SLC67A1: variants seen among roughly 807,000 people sequenced by gnomAD.
SLC67A1 encodes solute carrier family 67 member A1.
the SLC67A1 span, chr11:2,919,121 C>A: frequency 2.8e-6 from 1 of 357,038 alleles, no homozygotes; most frequent in Non-Finnish European, 5.1e-6. Context: ...ACTTTCCACA[C>A]CAGGGATACG....
chr11:2,909,625 G>A, the SLC67A1 span: 59 of 1,532,452 alleles, frequency 3.9e-5, no homozygotes, highest in Non-Finnish European at 5.1e-5. Flanking sequence ...GGAGCGGCCC[G>A]CGGCCCTGGG....
the SLC67A1 span, among the ~76,000 whole-genome samples, chr11:2,910,157 G>A: frequency 3.9e-5 from 6 of 152,278 alleles, no homozygotes; most frequent in Middle Eastern, 3.4e-3. Flanking sequence ...TTGAGTCCCC[G>A]AACGTTCTCC....
the SLC67A1 span, chr11:2,909,458 C>T: frequency 7.7e-6 from 11 of 1,437,780 alleles, no homozygotes; most frequent in Non-Finnish European, 9.1e-6. Context: ...CGGGGTCTGG[C>T]CCTAAGGGCT....
At chr11:2,905,888 C>T in the SLC67A1 span, among the ~76,000 whole-genome samples, 2 of 152,136 alleles carry the variant, frequency 1.3e-5, no homozygotes, top group Non-Finnish European at 2.9e-5. Flanking sequence ...GCACTGGGAG[C>T]TTGGTCCAGT....
chr11:2,922,201 A>G, the SLC67A1 span: 1 of 1,612,484 alleles, frequency 6.2e-7, no homozygotes, highest in Non-Finnish European at 8.5e-7. Context: ...GGGCCTGGCC[A>G]TGGTGAGGGC....
the SLC67A1 span, chr11:2,909,715 G>A: frequency 6.6e-7 from 1 of 1,510,302 alleles, no homozygotes; most frequent in Non-Finnish European, 8.8e-7. Flanking sequence ...GTACGGGTGA[G>A]TGGTGGGGGC....
At chr11:2,922,384 A>T in the SLC67A1 span, 1 of 1,593,210 alleles carries the variant, frequency 6.3e-7, no homozygotes. Context: ...CCCAGAGAGG[A>T]GCCTGGTCCC....
the SLC67A1 span, chr11:2,916,524 G>A: frequency 1.2e-6 from 1 of 853,740 alleles, no homozygotes; most frequent in Non-Finnish European, 1.9e-6. Context: ...TCAGATTTAA[G>A]CTATTTTAGT....
chr11:2,907,043 C>T, the SLC67A1 span, among the ~76,000 whole-genome samples: 1 of 151,190 alleles, frequency 6.6e-6, no homozygotes, highest in Non-Finnish European at 1.5e-5. This position sits in a 1 kb window ranked among gnomAD's most constrained non-coding sequence, Gnocchi z 6.7. Context: ...TTCCCATCCT[C>T]GAGGGAGCAG....
At chr11:2,917,579 G>T in the SLC67A1 span, among the ~76,000 whole-genome samples, 2 of 152,262 alleles carry the variant, frequency 1.3e-5, no homozygotes, top group Non-Finnish European at 2.9e-5. Context: ...TATTGCCATT[G>T]TCTTCCTCTG....
the SLC67A1 span, among the ~76,000 whole-genome samples, chr11:2,905,027 C>A: frequency 2.0e-5 from 3 of 152,132 alleles, no homozygotes; most frequent in Non-Finnish European, 4.4e-5. Flanking sequence ...AAGATCTGGG[C>A]CTGAGCCCAT....
the SLC67A1 span, chr11:2,903,204 T>G: frequency 8.7e-6 from 13 of 1,500,904 alleles, no homozygotes. Context: ...AGTGCTGTCC[T>G]CTCTTGCAGG....
chr11:2,919,760 C>T, the SLC67A1 span: 1 of 279,798 alleles, frequency 3.6e-6, no homozygotes, highest in Non-Finnish European at 6.8e-6. Context: ...ATGAGATGAC[C>T]TAACGTGGCA....
At chr11:2,921,989 C>T in the SLC67A1 span, 3 of 782,116 alleles carry the variant, frequency 3.8e-6, no homozygotes, top group East Asian at 2.5e-5. Context: ...GCAGAGGGGC[C>T]CTGGCCACCA....
the SLC67A1 span, among the ~76,000 whole-genome samples, chr11:2,906,638 T>C: frequency 6.7e-6 from 1 of 148,684 alleles, no homozygotes; most frequent in African/African-American, 2.5e-5. Context: ...CACCACATGT[T>C]CTCACTCATA....
chr11:2,919,529 T>C, the SLC67A1 span: 113 of 711,302 alleles, frequency 1.6e-4, no homozygotes, highest in African/African-American at 1.7e-3. Context: ...ATCTGGCACA[T>C]GTCAGGGTCC....
the SLC67A1 span, chr11:2,916,776 G>A: frequency 6.3e-7 from 1 of 1,583,376 alleles, no homozygotes; most frequent in South Asian, 1.1e-5. Flanking sequence ...CCAGATGCTG[G>A]GGCAATGGAA....
chr11:2,915,175 C>T, the SLC67A1 span: 3 of 985,380 alleles, frequency 3.0e-6, no homozygotes, highest in Non-Finnish European at 3.6e-6. Flanking sequence ...TGCCCAGACT[C>T]TCTGGACTCA....
chr11:2,918,176 C>A, the SLC67A1 span: 1 of 1,075,294 alleles, frequency 9.3e-7, no homozygotes, highest in Non-Finnish European at 1.4e-6. Context: ...CTTCCTCTGG[C>A]CTGTGCCCCA....
Sources: allele counts gnomAD v4.1 joint callset (sites outside exome capture counted in the v4.1 genomes callset), GRCh38; gene constraint gnomAD v4.1.1; non-coding constraint Gnocchi (gnomAD v3.1); transcripts MANE v1.5; gene names NCBI Gene and HGNC (gene_info 2026-07-23, HGNC 2026-07-21).